GLT8D2: variants seen among roughly 807,000 people sequenced by gnomAD.
GLT8D2 encodes the protein glycosyltransferase 8 domain containing 2, also known as glycosyltransferase 8 domain-containing protein 2.
A neutral mutation model predicts 44.5 loss-of-function variants in GLT8D2; 45 were observed. That is an observed-to-expected ratio of 1.01 (90% CI 0.80 to 1.30). The LOEUF is 1.30. Ranked by LOEUF, GLT8D2 falls within the 50% of genes most tolerant of loss-of-function variation. GLT8D2 has a pLI of 0.00. For missense variants in GLT8D2, 400 were observed against 430.4 expected (o/e 0.93, Z 0.62); for synonymous variants, 156 against 157.2 (o/e 0.99, Z 0.06).
intron 8 of GLT8D2, among the ~76,000 whole-genome samples, 161 bp from the exon 9 acceptor site, chr12:103,994,662 A>G (rs1226531464): frequency 1.3e-5 from 2 of 151,834 alleles, no homozygotes; most frequent in Non-Finnish European, 1.5e-5. Context: ...GGTTTCCCTC[A>G]TTTCTCCAAC....
intron 1 of GLT8D2, among the ~76,000 whole-genome samples, chr12:104,033,171 C>T (rs932266226): frequency 2.6e-5 from 4 of 152,050 alleles, no homozygotes; most frequent in East Asian, 1.9e-4. Context: ...TGTGAGCCAC[C>T]GCACCCAGCC....
chr12:103,998,433 G>A lies in GLT8D2; in HGVS notation c.403-898C>T, dbSNP rs944522325. Reference sequence around the variant, plus strand: ...AAAAAAAAATTTTTTTTTTTGAGACGGAGTCTCACTCTGTTGCCTAGGCTG... The same window carrying A: ...AAAAAAAAATTTTTTTTTTTGAGACAGAGTCTCACTCTGTTGCCTAGGCTG... On this transcript the variant is annotated intron_variant, in intron 6 of 10. Transcript: ENST00000360814. Among the ~76,000 whole-genome samples, 3 of 150,930 alleles carry A rather than the reference G, an allele frequency of 2.0e-5. No homozygotes were observed. In the East Asian group the frequency reaches 5.8e-4, roughly 29 times the overall value.
intron 5 of GLT8D2, among the ~76,000 whole-genome samples, chr12:104,002,772 G>A (rs1487897393): frequency 6.6e-6 from 1 of 151,928 alleles, no homozygotes; most frequent in Non-Finnish European, 1.5e-5. Flanking sequence ...AGAGAGACTC[G>A]CTCTCCACAA....
chr12:104,015,222 G>A, intron 3 of GLT8D2, 117 bp from the exon 4 acceptor site: 1 of 697,804 alleles, frequency 1.4e-6, no homozygotes, highest in East Asian at 2.8e-5. Context: ...TGGTATCTGA[G>A]ACCTTTCTAT....
chr12:104,051,530 T>C (rs907683782), upstream of GLT8D2, among the ~76,000 whole-genome samples: 29 of 152,208 alleles, frequency 1.9e-4, no homozygotes, highest in African/African-American at 7.0e-4. Flanking sequence ...CAATATACAA[T>C]GTATAGTGAT....
intron 1 of GLT8D2, among the ~76,000 whole-genome samples, chr12:104,042,948 A>G (rs77340806): frequency 0.093 from 14,127 of 152,270 alleles, 961 homozygotes; most frequent in East Asian, 0.3. Context: ...GGAATGGGGC[A>G]GAGTCTGAGA....
upstream of GLT8D2, among the ~76,000 whole-genome samples, chr12:104,050,890 C>T (rs2136520666): frequency 6.6e-6 from 1 of 151,580 alleles, no homozygotes; most frequent in South Asian, 2.1e-4. Flanking sequence ...TCTCGGCTCA[C>T]TGCAACCTCC....
At chr12:104,056,066 G>C (rs757220810) in intron 1 of GLT8D2, among the ~76,000 whole-genome samples, 1 of 152,166 alleles carries the variant, frequency 6.6e-6, no homozygotes, top group African/African-American at 2.4e-5. Flanking sequence ...TCCCGCATGC[G>C]GTAACTGTTT....
intron 1 of GLT8D2, among the ~76,000 whole-genome samples, chr12:104,056,661 G>A (rs975852246): frequency 1.3e-5 from 2 of 152,176 alleles, no homozygotes; most frequent in Non-Finnish European, 2.9e-5. Context: ...TATAACACAA[G>A]TCCCCCAATA....
Position 103,996,849 on chromosome 12 carries a change from T to A in GLT8D2, c.488-2A>T, listed in dbSNP as rs773288133. 1 of 1,605,642 alleles carries A rather than the reference T, an allele frequency of 6.2e-7. No individual in the cohort carries two copies. The highest frequency in any genetic ancestry group is 8.5e-7 in the Non-Finnish European group (1 of 1,173,830). ...TGTCATACAGTTCTTGGATATCACC[T>A]GAATTTAGAAACACCACCAAGTAAA... On this transcript the variant is annotated splice_acceptor_variant, in intron 7 of 10. Transcript: ENST00000360814. LOFTEE classifies it high-confidence loss of function.
chr12:103,993,678 G>C (rs1300016829), intron 9 of GLT8D2, among the ~76,000 whole-genome samples, 174 bp from the exon 10 acceptor site: 1 of 152,126 alleles, frequency 6.6e-6, no homozygotes, highest in Admixed American at 6.6e-5. Context: ...ACACAAAATA[G>C]TAAGAATACC....
At position 104,022,685 on chromosome 12, in the gene GLT8D2, T is replaced by C. The variant is rs908732866; in HGVS notation, c.-163-1194A>G. ...ACTAATAAATAGCAGCTTTGGCATC[T>C]ACAGAATGTCAAATCATACTAATGT... On this transcript the variant is annotated intron_variant, in intron 1 of 10. Coordinates refer to ENST00000360814, the MANE Select transcript of GLT8D2 (RefSeq NM_001384711.1). Among the ~76,000 whole-genome samples, 7 of 152,134 alleles carry C rather than the reference T, an allele frequency of 4.6e-5. No homozygotes were observed. The East Asian group carries it at 1.2e-3, about 25-fold the overall frequency.
At chr12:104,009,736 A>G (rs750781122) in intron 4 of GLT8D2, among the ~76,000 whole-genome samples, 3 of 152,170 alleles carry the variant, frequency 2.0e-5, no homozygotes, top group Non-Finnish European at 4.4e-5. Flanking sequence ...CCAGTGGGAG[A>G]TGATGTGAAT....
intron 1 of GLT8D2, among the ~76,000 whole-genome samples, chr12:104,026,474 C>A (rs575840167): frequency 1.3e-5 from 2 of 152,054 alleles, no homozygotes; most frequent in Non-Finnish European, 2.9e-5. Context: ...CCTCTATTCT[C>A]GAAATATACC....
intron 1 of GLT8D2, among the ~76,000 whole-genome samples, chr12:104,040,566 C>T (rs1469635722): frequency 6.6e-6 from 1 of 151,234 alleles, no homozygotes; most frequent in Non-Finnish European, 1.5e-5. Context: ...GCTGGGATTA[C>T]AGACGCGTGC....
At chr12:104,058,285 G>A (rs1401430811) in intron 1 of GLT8D2, among the ~76,000 whole-genome samples, 1 of 152,156 alleles carries the variant, frequency 6.6e-6, no homozygotes, top group Non-Finnish European at 1.5e-5. Flanking sequence ...AAATTTTCAT[G>A]CAGTTGGTGC....
intron 1 of GLT8D2, among the ~76,000 whole-genome samples, chr12:104,043,531 A>C (rs368768012): frequency 1.2e-4 from 19 of 152,246 alleles, no homozygotes; most frequent in East Asian, 9.6e-4. Context: ...CAGTGGCACA[A>C]TCTTGGCTCA....
At chr12:104,043,094 G>A (rs537992569) in intron 1 of GLT8D2, among the ~76,000 whole-genome samples, 23 of 152,270 alleles carry the variant, frequency 1.5e-4, no homozygotes, top group African/African-American at 5.3e-4. Flanking sequence ...CTTCCTGCAC[G>A]TGGCCCGGGG....
intron 1 of GLT8D2, among the ~76,000 whole-genome samples, chr12:104,060,738 C>T (rs1236754409): frequency 6.6e-6 from 1 of 152,186 alleles, no homozygotes; most frequent in East Asian, 1.9e-4. Flanking sequence ...GCATGGGAAA[C>T]ATGGTAAAAC....
Sources: gnomAD v4.1 joint callset for allele counts (sites outside exome capture counted in the v4.1 genomes callset) on GRCh38, gnomAD v4.1.1 for gene constraint, MANE v1.5 for transcripts, NCBI Gene and HGNC (gene_info 2026-07-23, HGNC 2026-07-21) for gene names.